Variants in OTOGL observed in about 807,000 individuals in gnomAD.
The protein encoded by OTOGL is otogelin like, also known as otogelin-like protein.
In OTOGL, 285 loss-of-function variants were observed where a neutral mutation model predicts 318.5. The ratio of observed to expected loss-of-function variants is 0.89; its 90% CI spans 0.81 to 0.99. The LOEUF (loss-of-function observed/expected upper bound fraction) is 0.99. OTOGL is among the 50% of genes least tolerant of loss of function. OTOGL has a pLI of 0.00. For missense variants in OTOGL, 2,899 were observed against 2,845.6 expected (o/e 1.02, Z -0.43); for synonymous variants, 987 against 936.5 (o/e 1.05, Z -0.99).
intron 53 of OTOGL, 42 bp from the exon 54 acceptor site, chr12:80,367,519 T>C: frequency 7.2e-7 from 1 of 1,388,486 alleles, no homozygotes; most frequent in Admixed American, 2.7e-5. Context: ...AGTACAAAAC[T>C]CAACAGTATA....
At chr12:80,351,100 CTAA>C (rs1331045846) in intron 44 of OTOGL, among the ~76,000 whole-genome samples, 12 of 152,122 alleles carry the variant, frequency 7.9e-5, no homozygotes, top group African/African-American at 2.9e-4. Flanking sequence ...AATTAAGGAT[CTAA>C]TGTCATTCAA....
chr12:80,229,149 G>T, intron 7 of OTOGL, 108 bp from the exon 8 acceptor site: 2 of 1,253,378 alleles, frequency 1.6e-6, no homozygotes, highest in Non-Finnish European at 2.2e-6. Context: ...ACGTTGTAAA[G>T]TGTCATGGGA....
rs71463865 is a variant in OTOGL, at chr12:80,289,852, T to G, written c.2929-6975T>G. Among the ~76,000 whole-genome samples, 1,176 of 152,258 alleles carry G rather than the reference T, an allele frequency of 7.7e-3. 16 individuals carry two copies. Among genetic ancestry groups the G allele is most frequent in the African/African-American group, 0.025 (1,047 of 41,552 alleles). Reference sequence around the variant, plus strand: ...TGGGCTCCATGGGGGTGGGACCCGCTGAGTGAGACCACTTGGCTTCCTGGC... The same window carrying G: ...TGGGCTCCATGGGGGTGGGACCCGCGGAGTGAGACCACTTGGCTTCCTGGC... On this transcript the variant is annotated intron_variant, in intron 26 of 58. Coordinates refer to ENST00000547103, the MANE Select transcript of OTOGL (RefSeq NM_001378609.3).
In OTOGL at chr12:80,304,698, A is replaced by G. The variant is rs1168175816; in HGVS notation, c.3214-878A>G. On this transcript the variant is annotated intron_variant, in intron 28 of 58. Coordinates refer to ENST00000547103, the MANE Select transcript of OTOGL (RefSeq NM_001378609.3). ...CAGTCATTGCTGTCTTTCTTCAATG[A>G]ATATTCTCTGCCATTCTTCATCTGA... Among the ~76,000 whole-genome samples, 3 of 152,190 alleles carry G rather than the reference A, an allele frequency of 2.0e-5. No individual in the cohort carries two copies. In the South Asian group the frequency reaches 6.2e-4, roughly 31 times the overall value.
intron 11 of OTOGL, among the ~76,000 whole-genome samples, chr12:80,249,204 G>T (rs1377123710): frequency 2.0e-5 from 3 of 148,510 alleles, no homozygotes; most frequent in Admixed American, 6.6e-5. Context: ...TCCGTTGCTG[G>T]TGAGGAACTG....
Position 80,352,338 on chromosome 12 carries a change from C to T in OTOGL, c.5309C>T (p.Thr1770Ile). The change falls in exon 45 of 59, where the codon ACC (threonine) becomes ATC (isoleucine). Residue 1770 changes from threonine (T) to isoleucine (I), a missense_variant. Physicochemically the swap from Thr to Ile is moderately conservative, Grantham distance 89. Transcript: ENST00000547103. ...TGTGAAAAGATGTGGATCAATTATA[C>T]CTATTTTTGGAACTATGAATGTGAT... ...DFCEKMWINY[T>I]YFWNYECDAL... The T allele has an allele frequency of 6.2e-7, 1 of 1,612,122 alleles. No individual in the cohort carries two copies.
intron 27 of OTOGL, among the ~76,000 whole-genome samples, chr12:80,298,898 A>C (rs566940374): frequency 3.3e-5 from 5 of 152,274 alleles, no homozygotes; most frequent in Admixed American, 3.3e-4. Context: ...ACAGGCAAGA[A>C]ATTTTAGAGT....
intron 33 of OTOGL, among the ~76,000 whole-genome samples, chr12:80,319,299 T>G (rs1234293347): frequency 6.6e-6 from 1 of 152,166 alleles, no homozygotes; most frequent in Non-Finnish European, 1.5e-5. Flanking sequence ...GTAGTTTCCC[T>G]TCTGATCCAG....
chr12:80,112,257 C>G (rs1018836197), intron 1 of OTOGL, among the ~76,000 whole-genome samples: 7 of 152,298 alleles, frequency 4.6e-5, no homozygotes, highest in Admixed American at 1.3e-4. Flanking sequence ...CCTGATTGCC[C>G]TAGCCAGAAC....
At chr12:80,209,392 A>C (rs1158887228) in intron 1 of OTOGL, 21 bp from the exon 2 acceptor site, 1 of 1,338,652 alleles carries the variant, frequency 7.5e-7, no homozygotes, top group Non-Finnish European at 1.0e-6. Flanking sequence ...AATAAAGACC[A>C]TCAATTTGGT....
intron 1 of OTOGL, chr12:80,131,268 T>A (rs548613765): frequency 1.3e-5 from 2 of 152,324 alleles, no homozygotes; most frequent in East Asian, 3.9e-4. Context: ...CACATGTCCA[T>A]CCCTTGTCTG....
Position 80,207,287 on chromosome 12 carries a change from C to T in OTOGL, c.-19-2126C>T, listed in dbSNP as rs550859386. Among the ~76,000 whole-genome samples, 486 of 152,150 alleles carry T rather than the reference C, an allele frequency of 3.2e-3. 3 individuals carry two copies. The highest frequency in any genetic ancestry group is 0.011 in the African/African-American group (454 of 41,518). On this transcript the variant is annotated intron_variant, in intron 1 of 58. Transcript: ENST00000547103. The stretch of plus-strand genomic sequence containing the variant: ...CACGATCTCTGCTCACCACAAGCTC[C>T]GCCTCCCAGGTTCAAGTGATTCTCC...
chr12:80,187,995 G>T (rs569090835), intron 1 of OTOGL, among the ~76,000 whole-genome samples: 1 of 152,246 alleles, frequency 6.6e-6, no homozygotes, highest in South Asian at 2.1e-4. Context: ...CTCTAAATTG[G>T]GCTGACAAGG....
intron 26 of OTOGL, among the ~76,000 whole-genome samples, chr12:80,292,168 A>C (rs1166227440): frequency 6.6e-6 from 1 of 152,010 alleles, no homozygotes; most frequent in African/African-American, 2.4e-5. Context: ...TTGTATTTTT[A>C]GTAGAGACGG....
chr12:80,193,088 C>A (rs920762218), intron 1 of OTOGL, among the ~76,000 whole-genome samples: 1 of 152,076 alleles, frequency 6.6e-6, no homozygotes, highest in African/African-American at 2.4e-5. Context: ...TAAGTCCCTT[C>A]AATTGGACAA....
chr12:80,181,953 C>T (rs539316108), intron 1 of OTOGL, among the ~76,000 whole-genome samples: 79 of 151,986 alleles, frequency 5.2e-4, no homozygotes, highest in African/African-American at 1.8e-3. Flanking sequence ...TGCTTGAGTC[C>T]GGGAGGTAAA....
chr12:80,366,511 T>TTTTATATATATA (rs1555304841), intron 52 of OTOGL, 63 bp from the exon 53 acceptor site: 6 of 176,348 alleles, frequency 3.4e-5, no homozygotes, highest in South Asian at 1.9e-4. Flanking sequence ...TATATATAGG[T>TTTTATATATATA]TATATATATA....
At chr12:80,244,291 G>C (rs972983024) in intron 11 of OTOGL, among the ~76,000 whole-genome samples, 2 of 148,296 alleles carry the variant, frequency 1.3e-5, no homozygotes, top group African/African-American at 5.0e-5. Context: ...TCTAGCATTA[G>C]GTATATCTCC....
chr12:80,186,551 C>T (rs1875304252), intron 1 of OTOGL, among the ~76,000 whole-genome samples: 1 of 152,202 alleles, frequency 6.6e-6, no homozygotes, highest in African/African-American at 2.4e-5. Flanking sequence ...TTGAGAGGCT[C>T]CTCACTGCAT....
Sources: gnomAD v4.1 joint callset for allele counts (sites outside exome capture counted in the v4.1 genomes callset) on GRCh38, gnomAD v4.1.1 for gene constraint, MANE v1.5 for transcripts, NCBI Gene and HGNC (gene_info 2026-07-23, HGNC 2026-07-21) for gene names.